KDM3B: variants seen among roughly 807,000 people sequenced by gnomAD.
KDM3B encodes lysine-specific demethylase 3B.
Under a neutral mutation model 170.0 loss-of-function variants are expected in KDM3B, and 10 were observed. The ratio of observed to expected loss-of-function variants is 0.06; its 90% CI spans 0.04 to 0.10. KDM3B has a LOEUF of 0.10. Among genes scored for constraint, KDM3B ranks in the 10% least tolerant of loss-of-function variants. The pLI, the probability that KDM3B is intolerant of heterozygous loss-of-function variation, is 1.00. For synonymous variants in KDM3B, 831 were observed against 834.8 expected (o/e 1.00, Z 0.08); for missense variants, 1,394 against 2,195.2 (o/e 0.64, Z 7.29).
In KDM3B at chr5:138,417,477, T is replaced by C. The variant is rs146293691; in HGVS notation, c.3308-6T>C. Reference sequence around the variant, plus strand: ...TGTTATTTTTATTGTTACATTTTTTTCCCAGCTCTTTACAATATTGGAGAC... The same window carrying C: ...TGTTATTTTTATTGTTACATTTTTTCCCCAGCTCTTTACAATATTGGAGAC... On this transcript the variant is annotated splice_polypyrimidine_tract_variant and splice_region_variant and intron_variant, in intron 12 of 23. Transcript: ENST00000314358. 66 of 1,613,960 alleles carry C rather than the reference T, an allele frequency of 4.1e-5. No individual in the cohort carries two copies. The East Asian group carries it at 8.2e-4, about 20-fold the overall frequency.
rs534996522 is a variant in KDM3B at position 138,371,231 on chromosome 5, A to G, written c.193-1443A>G. On this transcript the variant is annotated intron_variant, in intron 1 of 23. Transcript: ENST00000314358. The stretch of plus-strand genomic sequence containing the variant: ...TCCCAGCACTTTGTGAGGCTGAGGC[A>G]GGAAGATTGCTTGGCTCCAGGAGTT... Among the ~76,000 whole-genome samples, 3 of 152,224 alleles carry G rather than the reference A, an allele frequency of 2.0e-5. No homozygotes were observed. The South Asian group carries it at 6.2e-4, about 32-fold the overall frequency.
chr5:138,428,839 G>A (rs1480360784), intron 20 of KDM3B, among the ~76,000 whole-genome samples: 5 of 151,252 alleles, frequency 3.3e-5, no homozygotes, highest in Admixed American at 3.3e-4. Context: ...TGCCATCTCA[G>A]TGTTAAAATT....
chr5:138,370,053 A>G (rs1761836005), intron 1 of KDM3B, among the ~76,000 whole-genome samples: 1 of 152,218 alleles, frequency 6.6e-6, no homozygotes, highest in South Asian at 2.1e-4. Context: ...GTAAGTTTGA[A>G]TATATCTCTC....
chr5:138,424,245 T>G lies in KDM3B; in HGVS notation c.4143T>G (p.Ser1381=). 1 of 1,614,160 alleles carries G rather than the reference T, an allele frequency of 6.2e-7. No homozygotes were observed. Among genetic ancestry groups the G allele is most frequent in the African/African-American group, 1.3e-5 (1 of 75,050 alleles). Residue 1381 remains serine, a synonymous_variant, in exon 16 of 24, where the codon TCT becomes TCG. Coordinates refer to ENST00000314358, the MANE Select transcript of KDM3B (RefSeq NM_016604.4). The part of the protein sequence containing the change: ...MGLNVLDPHT[S]HSWLCDGRLL... ...TAAATGTGCTAGATCCCCATACTTCTCACTCCTGGCTTTGTGATGGGAGGC... is the reference window on the plus strand; with the variant it reads ...TAAATGTGCTAGATCCCCATACTTCGCACTCCTGGCTTTGTGATGGGAGGC...
At chr5:138,379,515 G>T in intron 4 of KDM3B, 69 bp from the exon 5 acceptor site, 1 of 1,462,752 alleles carries the variant, frequency 6.8e-7, no homozygotes, top group South Asian at 1.3e-5. Context: ...ATTTTCCTTT[G>T]GCTTTTAGGA....
intron 6 of KDM3B, among the ~76,000 whole-genome samples, chr5:138,383,145 C>CT (rs879427486): frequency 1.6e-3 from 229 of 145,416 alleles, no homozygotes; most frequent in East Asian, 4.2e-3. Flanking sequence ...TTGTTTTTTT[C>CT]TTTTTTTTTT....
At chr5:138,427,452 G>A (rs967475522) in intron 19 of KDM3B, 133 bp downstream of exon 19, 1 of 1,018,420 alleles carries the variant, frequency 9.8e-7, no homozygotes, top group Non-Finnish European at 1.4e-6. Flanking sequence ...TAGTATCCAA[G>A]GTGGTCTTGA....
chr5:138,355,728 A>G (rs72803845), intron 1 of KDM3B, among the ~76,000 whole-genome samples: 19,423 of 152,118 alleles, frequency 0.13, 1,683 homozygotes, highest in South Asian at 0.25. Flanking sequence ...GGCTCATGTA[A>G]GTTGCAGAGA....
At position 138,352,787 on chromosome 5, in the gene KDM3B, GC is replaced by G; in HGVS notation, c.-5del. The G allele has an allele frequency of 3.1e-6, 4 of 1,272,354 alleles. No homozygotes were observed. The highest frequency in any genetic ancestry group is 4.0e-6 in the Non-Finnish European group (4 of 1,010,170). The allele number at this position is 1,272,354 out of a possible 1,614,324, so 78.8% of individuals were successfully genotyped here. On this transcript the variant is annotated 5_prime_UTR_variant, in exon 1 of 24. Transcript: ENST00000314358. ...GCGGGCGGGAGCGCGGGTCAGGCCG[GC>G]CCCGGCGATGGCGGACGCGGCGGCC...
At chr5:138,393,756 G>A (rs1228885503) in intron 9 of KDM3B, among the ~76,000 whole-genome samples, 1 of 152,118 alleles carries the variant, frequency 6.6e-6, no homozygotes, top group Non-Finnish European at 1.5e-5. Flanking sequence ...TTAAAAAGAC[G>A]GGGAGGTAAG....
Position 138,352,963 on chromosome 5 carries a change from CG to C in KDM3B, c.172del (p.Ala58ArgfsTer6). ...WRAGTVRAMS[G>X]AVPQDLAIFV... is the part of the protein sequence containing the mutation. ...GGGCCGGCACGGTGCGGGCCATGAG[CG>C]GGGCGGTGCCCCAGGACCTAGCGGT... On this transcript the variant is annotated frameshift_variant, in exon 1 of 24. Transcript: ENST00000314358. LOFTEE classifies it high-confidence loss of function. 8.0e-7 allele frequency: 1 copy of C among 1,246,980 alleles called. No individual in the cohort carries two copies. The highest frequency in any genetic ancestry group is 1.0e-6 in the Non-Finnish European group (1 of 997,814). The allele number at this position is 1,246,980 out of a possible 1,614,324, so 77.2% of individuals were successfully genotyped here.
At chr5:138,385,102 A>G (rs1317401454) in intron 6 of KDM3B, among the ~76,000 whole-genome samples, 1 of 151,464 alleles carries the variant, frequency 6.6e-6, no homozygotes, top group Non-Finnish European at 1.5e-5. Context: ...GCTCACTGCA[A>G]CCTTCCCCTC....
chr5:138,420,323 C>T (rs746256191), intron 14 of KDM3B, among the ~76,000 whole-genome samples: 11 of 152,186 alleles, frequency 7.2e-5, no homozygotes, highest in Non-Finnish European at 1.3e-4. Context: ...TCCTGTGTCC[C>T]GCCCAGAACT....
At chr5:138,367,466 A>G (rs1252976058) in intron 1 of KDM3B, among the ~76,000 whole-genome samples, 2 of 152,208 alleles carry the variant, frequency 1.3e-5, no homozygotes, top group African/African-American at 2.4e-5. Context: ...TTAGGATAAT[A>G]TATTTTATTT....
chr5:138,396,623 G>A (rs1762553266), intron 9 of KDM3B, among the ~76,000 whole-genome samples: 1 of 152,136 alleles, frequency 6.6e-6, no homozygotes, highest in African/African-American at 2.4e-5. Flanking sequence ...GGCCTTTGCT[G>A]GTTCAGAGCA....
In KDM3B at chr5:138,391,916, C is replaced by T. The variant is rs1762443213; in HGVS notation, c.2284C>T (p.Leu762Phe). The change falls in exon 8 of 24, where the codon CTC becomes TTC. Residue 762 changes from leucine (L) to phenylalanine (F), a missense_variant. Around this residue, in one of 19 missense-constraint regions of KDM3B, gnomAD observed 294 missense variants for 311.7 expected, o/e 0.94. Coordinates refer to ENST00000314358, the MANE Select transcript of KDM3B (RefSeq NM_016604.4). This position sits in a 1 kb window ranked among gnomAD's most constrained non-coding sequence, Gnocchi z 5.0. The stretch of plus-strand genomic sequence containing the variant: ...GCCTGGGCAGCAGGACAATCCCCTC[C>T]TCAAAACCTTTAGTAACGTCTTTGG... Reference protein sequence around the residue: ...VGPGQQDNPLLKTFSNVFGRH... With the variant: ...VGPGQQDNPLFKTFSNVFGRH... The T allele has an allele frequency of 9.3e-6, 15 of 1,613,232 alleles. No homozygotes were observed. Among genetic ancestry groups the T allele is most frequent in the Non-Finnish European group, 1.3e-5 (15 of 1,179,258 alleles).
intron 3 of KDM3B, among the ~76,000 whole-genome samples, chr5:138,376,937 A>G (rs1447390575): frequency 6.6e-6 from 1 of 152,204 alleles, no homozygotes; most frequent in Non-Finnish European, 1.5e-5. Context: ...TTCACTTGTA[A>G]GGGTTGCTGT....
chr5:138,391,803 G>T lies in KDM3B; in HGVS notation c.2171G>T (p.Arg724Leu), dbSNP rs1287614598. The T allele has an allele frequency of 6.2e-7, 1 of 1,613,848 alleles. No homozygotes were observed. The highest frequency in any genetic ancestry group is 8.5e-7 in the Non-Finnish European group (1 of 1,180,000). ...AGCCTCTCTGCCATGGGGAATGGCC[G>T]CTCCAGCTCGCCCACCAGCAGCCTC... ...GPSLSAMGNG[R>L]SSSPTSSLTQ... is the part of the protein sequence containing the mutation. The change falls in exon 8 of 24, where the codon CGC (arginine) becomes CTC (leucine). Residue 724 changes from arginine (R) to leucine (L), a missense_variant. Arg to Leu is a moderately radical substitution (Grantham distance 102). This residue lies in a region of KDM3B where 294 missense variants were observed against 311.7 expected (regional missense o/e 0.94). Transcript: ENST00000314358. The surrounding 1 kb of genome is among the most constrained non-coding windows in gnomAD (Gnocchi z 5.0).
intron 11 of KDM3B, among the ~76,000 whole-genome samples, chr5:138,406,379 C>T (rs779822260): frequency 6.6e-6 from 1 of 152,166 alleles, no homozygotes; most frequent in Middle Eastern, 3.4e-3. Context: ...CACAGTGGCT[C>T]ACGCCTGTAA....
Sources: allele counts gnomAD v4.1 joint callset (sites outside exome capture counted in the v4.1 genomes callset), GRCh38; gene constraint gnomAD v4.1.1; regional missense constraint gnomAD v4.1.1; non-coding constraint Gnocchi (gnomAD v3.1); transcripts MANE v1.5; gene names NCBI Gene and HGNC (gene_info 2026-07-23, HGNC 2026-07-21).